Variants in EPHB1 observed in about 807,000 individuals in gnomAD.
The protein encoded by EPHB1 is EPH receptor B1.
EPHB1 carries 30 observed loss-of-function variants against 94.4 expected under a neutral mutation model. The observed-to-expected ratio is 0.32, with a 90% CI of 0.24 to 0.43. EPHB1 has a LOEUF of 0.43. EPHB1 is among the 20% of genes least tolerant of loss of function. The pLI is 1.00. For missense variants in EPHB1, 1,055 were observed against 1,308.3 expected, an observed-to-expected ratio of 0.81 and a Z score of 2.99; for synonymous variants, 522 against 489.1, an observed-to-expected ratio of 1.07 and a Z score of -0.89.
intron 3 of EPHB1, among the ~76,000 whole-genome samples, chr3:135,078,384 C>T (rs767716548): frequency 2.0e-5 from 3 of 152,182 alleles, no homozygotes; most frequent in Non-Finnish European, 2.9e-5. Context: ...CAGGGCACCC[C>T]AAGCCCAAAC....
chr3:135,002,174 A>C (rs1445691738), intron 3 of EPHB1, among the ~76,000 whole-genome samples: 1 of 152,138 alleles, frequency 6.6e-6, no homozygotes, highest in Non-Finnish European at 1.5e-5. Context: ...TTTTGGGTCT[A>C]TGTCCCCACC....
At chr3:135,207,159 C>T (rs1258777030) in intron 12 of EPHB1, among the ~76,000 whole-genome samples, 2 of 152,102 alleles carry the variant, frequency 1.3e-5, no homozygotes, top group Admixed American at 6.5e-5. Flanking sequence ...AGATTTCCCA[C>T]GTTATTTTTC....
intron 1 of EPHB1, among the ~76,000 whole-genome samples, chr3:134,895,917 C>A (rs2038079179): frequency 6.6e-6 from 1 of 152,124 alleles, no homozygotes; most frequent in Non-Finnish European, 1.5e-5. Context: ...GCAAAATGTC[C>A]CAATTTCTGT....
intron 12 of EPHB1, among the ~76,000 whole-genome samples, chr3:135,222,368 A>G (rs567777912): frequency 3.3e-5 from 5 of 152,304 alleles, no homozygotes; most frequent in East Asian, 3.9e-4. Context: ...TGCAAACGCA[A>G]TATGTGATTG....
At chr3:134,968,235 G>A (rs989692443) in intron 3 of EPHB1, among the ~76,000 whole-genome samples, 1 of 151,472 alleles carries the variant, frequency 6.6e-6, no homozygotes, top group Admixed American at 6.6e-5. Context: ...GTGTAGAGCT[G>A]AGCAAAAGTC....
intron 3 of EPHB1, among the ~76,000 whole-genome samples, chr3:134,971,925 A>C (rs1252242697): frequency 2.6e-5 from 4 of 152,186 alleles, no homozygotes; most frequent in African/African-American, 7.2e-5. Context: ...GCTGATTTTT[A>C]GTCATCAGAC....
intron 3 of EPHB1, among the ~76,000 whole-genome samples, chr3:134,983,189 C>T (rs1352538631): frequency 6.6e-6 from 1 of 152,220 alleles, no homozygotes; most frequent in Non-Finnish European, 1.5e-5. Context: ...TCTGTGTTCA[C>T]TCCTTCATTG....
At chr3:135,249,067 G>A (rs764599503) in intron 14 of EPHB1, among the ~76,000 whole-genome samples, 30 of 152,166 alleles carry the variant, frequency 2.0e-4, no homozygotes, top group Non-Finnish European at 3.8e-4. Context: ...GGAGCCTTCC[G>A]TTCCCTTCAG....
intron 5 of EPHB1, among the ~76,000 whole-genome samples, chr3:135,136,853 G>A (rs537849967): frequency 1.9e-4 from 29 of 152,166 alleles, no homozygotes; most frequent in Non-Finnish European, 3.1e-4. Context: ...ATACATCCTT[G>A]CACTGAATAC....
chr3:135,037,740 C>T (rs78838198), intron 3 of EPHB1, among the ~76,000 whole-genome samples: 9 of 152,148 alleles, frequency 5.9e-5, no homozygotes, highest in Non-Finnish European at 1.3e-4. Context: ...CCAAGAGGTA[C>T]AAGATTGAAA....
At chr3:134,858,672 A>G (rs2037178318) in intron 1 of EPHB1, among the ~76,000 whole-genome samples, 1 of 152,234 alleles carries the variant, frequency 6.6e-6, no homozygotes, top group Non-Finnish European at 1.5e-5. Flanking sequence ...TAAAAATAAC[A>G]CTACGGAATG....
intron 2 of EPHB1, among the ~76,000 whole-genome samples, chr3:134,946,408 C>G (rs1023645263): frequency 2.0e-5 from 3 of 152,196 alleles, no homozygotes; most frequent in Non-Finnish European, 2.9e-5. Flanking sequence ...GCCTTCATTC[C>G]TCAATGGCAC....
chr3:134,854,929 G>T (rs1055578969), intron 1 of EPHB1, among the ~76,000 whole-genome samples: 1 of 151,998 alleles, frequency 6.6e-6, no homozygotes, highest in Non-Finnish European at 1.5e-5. Context: ...AAAATGAAGT[G>T]AATTATAATC....
chr3:134,942,587 GT>G (rs1200926032), intron 2 of EPHB1, among the ~76,000 whole-genome samples: 9 of 152,344 alleles, frequency 5.9e-5, no homozygotes, highest in African/African-American at 2.2e-4. Flanking sequence ...GTGCATCCCG[GT>G]TATTTATCAG....
chr3:135,213,547 C>T (rs189109901), intron 12 of EPHB1, among the ~76,000 whole-genome samples: 8 of 152,324 alleles, frequency 5.3e-5, no homozygotes, highest in Non-Finnish European at 8.8e-5. Flanking sequence ...AGGGCATGCA[C>T]ATACCAGGAA....
chr3:135,052,890 A>AT (rs1236181492), intron 3 of EPHB1, among the ~76,000 whole-genome samples: 12 of 54,584 alleles, frequency 2.2e-4, no homozygotes, highest in African/African-American at 4.3e-4. Context: ...AAAAAAAAAA[A>AT]ATATATATAT....
At chr3:135,076,512 C>T (rs1371038845) in intron 3 of EPHB1, among the ~76,000 whole-genome samples, 9 of 152,060 alleles carry the variant, frequency 5.9e-5, no homozygotes. Flanking sequence ...TAAAATTGTA[C>T]AGCTGCTTTG....
At chr3:135,161,572 G>C (rs1181027147) in intron 6 of EPHB1, among the ~76,000 whole-genome samples, 1 of 152,196 alleles carries the variant, frequency 6.6e-6, no homozygotes. Context: ...TGAGTCAGGA[G>C]AGAAAACAGA....
At chr3:134,841,788 G>T (rs562504255) in intron 1 of EPHB1, among the ~76,000 whole-genome samples, 1 of 152,282 alleles carries the variant, frequency 6.6e-6, no homozygotes, top group Non-Finnish European at 1.5e-5. Flanking sequence ...CCTAAATGAG[G>T]GAACTTGGGG....
Sources: gnomAD v4.1 joint callset for allele counts (sites outside exome capture counted in the v4.1 genomes callset) on GRCh38, gnomAD v4.1.1 for gene constraint, MANE v1.5 for transcripts, NCBI Gene and HGNC (gene_info 2026-07-23, HGNC 2026-07-21) for gene names.